Variants in SDK1 observed in about 807,000 individuals in gnomAD.
The protein encoded by SDK1 is sidekick cell adhesion molecule 1, also known as protein sidekick-1.
Under a neutral mutation model 245.5 loss-of-function variants are expected in SDK1, and 157 were observed. The ratio of observed to expected loss-of-function variants is 0.64; its 90% confidence interval spans 0.56 to 0.73. SDK1 has a LOEUF of 0.73. Among genes scored for constraint, SDK1 ranks in the 30% least tolerant of loss-of-function variants. The probability of loss-of-function intolerance (pLI) is 0.00; values close to 1 mark genes in which losing one functional copy is unlikely to be tolerated. For synonymous variants in SDK1, 1,647 were observed against 1,278.5 expected (o/e 1.29, Z -6.15); for missense variants, 3,583 against 3,002.3 (o/e 1.19, Z -4.52).
chr7:3,333,060 T>TG, intron 1 of SDK1, among the ~76,000 whole-genome samples: 1 of 152,126 alleles, frequency 6.6e-6, no homozygotes, highest in Non-Finnish European at 1.5e-5. Context: ...AGCTGCTACT[T>TG]GGGGCATTGT....
chr7:3,387,574 G>C (rs989686805), intron 1 of SDK1, among the ~76,000 whole-genome samples: 3 of 152,146 alleles, frequency 2.0e-5, no homozygotes, highest in African/African-American at 7.2e-5. Flanking sequence ...TCTGTTGTGA[G>C]GATAAATGGT....
Position 3,958,923 on chromosome 7 carries a change from G to A in SDK1, c.1151-8G>A, listed in dbSNP as rs758401423. On this transcript the variant is annotated splice_region_variant and splice_polypyrimidine_tract_variant and intron_variant, in intron 7 of 44. Coordinates refer to ENST00000404826, the MANE Select transcript of SDK1 (RefSeq NM_152744.4). The stretch of plus-strand genomic sequence containing the variant: ...CTTAGGGGCTTTTTTTTATTTTCTT[G>A]TTTGAAGAGCCACCATATTTTACTG... The A allele has an allele frequency of 2.5e-6, 4 of 1,610,816 alleles. No homozygotes were observed. In the South Asian group the frequency reaches 3.3e-5, roughly 13 times the overall value.
intron 1 of SDK1, among the ~76,000 whole-genome samples, chr7:3,587,127 G>A (rs1276514676): frequency 6.6e-6 from 1 of 152,164 alleles, no homozygotes; most frequent in Non-Finnish European, 1.5e-5. Context: ...AGAAACAATG[G>A]CTAAGTCCTA....
Position 4,129,960 on chromosome 7 carries a change from G to A in SDK1, c.3992G>A (p.Arg1331Gln), listed in dbSNP as rs752248624. Residue 1331 changes from arginine (R) to glutamine (Q), a missense_variant, in exon 27 of 45, where the codon CGA becomes CAA. Transcript: ENST00000404826. ...CCCGAGCCCAGGAGCCACATCGTGC[G>A]AGGGAACCACACGCAGTCGGCCCTG... The part of the protein sequence containing the change: ...LDPEPRSHIV[R>Q]GNHTQSALLA... The A allele has an allele frequency of 3.5e-5, 57 of 1,613,740 alleles. No homozygotes were observed. The highest frequency in any genetic ancestry group is 1.6e-4 in the Middle Eastern group (1 of 6,082).
At position 4,210,097 on chromosome 7, in the gene SDK1, C is replaced by A. The variant is rs1160075929; in HGVS notation, c.5474C>A (p.Pro1825His). Residue 1825 changes from proline (P) to histidine (H), a missense_variant, in exon 38 of 45, where the codon CCT becomes CAT. Physicochemically the swap from Pro to His is moderately conservative, Grantham distance 77. Coordinates refer to ENST00000404826, the MANE Select transcript of SDK1 (RefSeq NM_152744.4). The part of the protein sequence containing the change: ...STTLNVSWGE[P>H]AAANGILQGY... ...ACGCTCAACGTGTCCTGGGGCGAGC[C>A]TGCGGCGGCCAACGGCATCCTGCAG... is the stretch of plus-strand genomic sequence containing the variant. 6.2e-7 allele frequency: 1 copy of A among 1,610,696 alleles called. No individual in the cohort carries two copies. Among genetic ancestry groups the A allele is most frequent in the Non-Finnish European group, 8.5e-7 (1 of 1,178,730 alleles).
chr7:3,611,836 G>A (rs549158388), intron 1 of SDK1, among the ~76,000 whole-genome samples: 3 of 152,222 alleles, frequency 2.0e-5, no homozygotes, highest in East Asian at 1.9e-4. Context: ...ATAGATGATT[G>A]TGGTGATGGG....
At chr7:3,832,690 A>G (rs1344220289) in intron 5 of SDK1, among the ~76,000 whole-genome samples, 1 of 152,248 alleles carries the variant, frequency 6.6e-6, no homozygotes, top group African/African-American at 2.4e-5. Context: ...CCAGAAATTT[A>G]TCTGGAGATG....
At chr7:3,948,827 A>G (rs1583608744) in intron 5 of SDK1, among the ~76,000 whole-genome samples, 1 of 152,210 alleles carries the variant, frequency 6.6e-6, no homozygotes, top group African/African-American at 2.4e-5. Flanking sequence ...TCCTGAACTC[A>G]GGCTTCCTCA....
intron 17 of SDK1, among the ~76,000 whole-genome samples, chr7:4,037,869 T>G (rs539784545): frequency 3.3e-4 from 50 of 152,350 alleles, no homozygotes; most frequent in Non-Finnish European, 5.9e-4. Flanking sequence ...TGTTTATACC[T>G]TTTTACCATC....
chr7:4,137,584 T>C (rs1249772376), intron 28 of SDK1, among the ~76,000 whole-genome samples: 1 of 152,240 alleles, frequency 6.6e-6, no homozygotes, highest in Non-Finnish European at 1.5e-5. Flanking sequence ...TCTCACTTGA[T>C]GTTTTTAATC....
At chr7:4,130,147 C>G (rs1784706499) in intron 27 of SDK1, 50 bp downstream of exon 27, 1 of 1,494,436 alleles carries the variant, frequency 6.7e-7, no homozygotes, top group African/African-American at 1.4e-5. Context: ...CCCAGGTTGG[C>G]CTTTCCAATG....
chr7:3,575,278 G>C (rs1435515959), intron 1 of SDK1, among the ~76,000 whole-genome samples: 1 of 151,970 alleles, frequency 6.6e-6, no homozygotes, highest in African/African-American at 2.4e-5. Flanking sequence ...AAGGGAGACA[G>C]CACGCATGAA....
At chr7:4,238,080 A>G (rs945181529) in intron 42 of SDK1, among the ~76,000 whole-genome samples, 3 of 147,376 alleles carry the variant, frequency 2.0e-5, no homozygotes, top group Admixed American at 6.8e-5. Context: ...CTTTGTTCAA[A>G]TGCAATTGCT....
chr7:4,167,437 G>A (rs904453087), intron 32 of SDK1, among the ~76,000 whole-genome samples: 5 of 151,888 alleles, frequency 3.3e-5, no homozygotes, highest in Admixed American at 2.6e-4. Context: ...ACAAAAAAAC[G>A]GGCTTTTGAA....
chr7:3,704,974 C>T (rs531443621), intron 4 of SDK1, among the ~76,000 whole-genome samples: 1 of 152,250 alleles, frequency 6.6e-6, no homozygotes, highest in East Asian at 1.9e-4. Flanking sequence ...TTTTTGCGTG[C>T]TTTGTCAAAG....
chr7:3,831,936 A>AGAAG (rs1188949425), intron 5 of SDK1, among the ~76,000 whole-genome samples: 1 of 152,056 alleles, frequency 6.6e-6, no homozygotes, highest in Admixed American at 6.6e-5. Flanking sequence ...CTGTGGCCCC[A>AGAAG]GCTGCTCAGA....
chr7:3,963,787 C>A (rs10238268), intron 9 of SDK1, among the ~76,000 whole-genome samples: 3,297 of 151,804 alleles, frequency 0.022, 47 homozygotes, highest in African/African-American at 0.075. Context: ...AGGCTCACAG[C>A]TACCTGACCT....
In SDK1 at chr7:4,214,357, A is replaced by C. The variant is rs727171; in HGVS notation, c.5539+4195A>C. On this transcript the variant is annotated intron_variant, in intron 38 of 44. Coordinates refer to ENST00000404826, the MANE Select transcript of SDK1 (RefSeq NM_152744.4). ...GGCCTGTCTCTCCCCTGGATGGCAA[A>C]AGGTGGAGTCACTTTAGTCACAACC... Among the ~76,000 whole-genome samples the C allele has an allele frequency of 3.7e-3, 558 of 152,286 alleles. 4 individuals carry two copies. Among genetic ancestry groups the C allele is most frequent in the African/African-American group, 0.013 (536 of 41,562 alleles).
At chr7:3,320,187 C>T (rs1779767228) in intron 1 of SDK1, among the ~76,000 whole-genome samples, 1 of 152,064 alleles carries the variant, frequency 6.6e-6, no homozygotes. Context: ...CTTCCCACCG[C>T]ACACATGCGC....
Sources: allele counts gnomAD v4.1 joint callset (sites outside exome capture counted in the v4.1 genomes callset), GRCh38; gene constraint gnomAD v4.1.1; transcripts MANE v1.5; gene names NCBI Gene and HGNC (gene_info 2026-07-23, HGNC 2026-07-21).